PTPRT: variants seen among roughly 807,000 people sequenced by gnomAD.
PTPRT encodes protein tyrosine phosphatase receptor type T.
In PTPRT, 56 loss-of-function variants were observed where a neutral mutation model predicts 176.8. The ratio of observed to expected loss-of-function variants is 0.32; its 90% CI spans 0.26 to 0.40. The LOEUF (loss-of-function observed/expected upper bound fraction) is 0.40, where lower values mean the gene tolerates loss of function less well. Ranked by LOEUF, PTPRT falls within the 10% of genes least tolerant of loss-of-function variation. The probability of loss-of-function intolerance (pLI) is 1.00; values close to 1 mark genes in which losing one functional copy is unlikely to be tolerated. For missense variants in PTPRT, 1,540 were observed against 1,908.2 expected, an observed-to-expected ratio of 0.81 and a Z score of 3.60; for synonymous variants, 783 against 739.0, an observed-to-expected ratio of 1.06 and a Z score of -0.96.
At chr20:42,348,062 T>C (rs1568797056) in intron 11 of PTPRT, among the ~76,000 whole-genome samples, 1 of 152,220 alleles carries the variant, frequency 6.6e-6, no homozygotes, top group South Asian at 2.1e-4. Flanking sequence ...AATAAATATT[T>C]GTTGCATGAC....
chr20:42,364,238 A>G (rs1187931186), intron 9 of PTPRT, among the ~76,000 whole-genome samples: 1 of 152,134 alleles, frequency 6.6e-6, no homozygotes, highest in Non-Finnish European at 1.5e-5. Flanking sequence ...GTAATCACAC[A>G]TTCTGGGCCA....
At chr20:42,516,327 C>G (rs941017886) in intron 7 of PTPRT, among the ~76,000 whole-genome samples, 1 of 151,988 alleles carries the variant, frequency 6.6e-6, no homozygotes, top group African/African-American at 2.4e-5. Flanking sequence ...CAGTGACTTC[C>G]CCTCATAAAG....
At chr20:42,713,066 GATA>G (rs1383088722) in intron 6 of PTPRT, among the ~76,000 whole-genome samples, 1 of 151,908 alleles carries the variant, frequency 6.6e-6, no homozygotes, top group African/African-American at 2.4e-5. Flanking sequence ...AGAAAAAGAA[GATA>G]ATATGATGGG....
At chr20:42,052,578 AAAG>A in the PTPRT span, among the ~76,000 whole-genome samples, 1 of 152,142 alleles carries the variant, frequency 6.6e-6, no homozygotes, top group Non-Finnish European at 1.5e-5. Flanking sequence ...AACATTTGAA[AAAG>A]AAGGAGCAGA....
intron 13 of PTPRT, among the ~76,000 whole-genome samples, chr20:42,281,026 A>T (rs1394917626): frequency 6.6e-6 from 1 of 152,080 alleles, no homozygotes; most frequent in Non-Finnish European, 1.5e-5. Flanking sequence ...CATAGAGCAT[A>T]CCATAGTGAA....
chr20:42,595,683 C>T (rs1233615848), intron 7 of PTPRT, among the ~76,000 whole-genome samples: 1 of 152,164 alleles, frequency 6.6e-6, no homozygotes, highest in Non-Finnish European at 1.5e-5. Context: ...AGGCTGTGGG[C>T]AGCATTTCTT....
intron 1 of PTPRT, among the ~76,000 whole-genome samples, chr20:43,161,772 C>A (rs2014707483): frequency 6.6e-6 from 1 of 151,648 alleles, no homozygotes; most frequent in Non-Finnish European, 1.5e-5. Context: ...GGCAAAAAAA[C>A]CCTCAGGAGC....
At chr20:42,949,598 C>A (rs753216799) in intron 1 of PTPRT, among the ~76,000 whole-genome samples, 1 of 152,158 alleles carries the variant, frequency 6.6e-6, no homozygotes, top group South Asian at 2.1e-4. Context: ...TCCACCCCAG[C>A]GGGAGCATCA....
rs750467022 is a variant in PTPRT, at chr20:42,885,818, G to T, written c.203C>A (p.Ala68Glu). 1.0e-5 allele frequency: 16 copies of T among 1,606,548 alleles called. No individual in the cohort carries two copies. In the South Asian group the frequency reaches 1.4e-4, roughly 14 times the overall value. ...GATGGATCACATACCTGTGGGCACT[G>T]CCTGGTCCAGCATTGGTTTCTCCCA... Reference protein sequence around the residue: ...NTWEKPMLDQAVPTGSFMMVN... With the variant: ...NTWEKPMLDQEVPTGSFMMVN... The change falls in exon 2 of 31, where the codon GCA becomes GAA. Residue 68 changes from alanine (A) to glutamate (E), a missense_variant. Physicochemically the swap from Ala to Glu is moderately radical, Grantham distance 107 (BLOSUM62 -1). Transcript: ENST00000373187.
chr20:42,625,865 T>C (rs1458388395), intron 7 of PTPRT, among the ~76,000 whole-genome samples: 1 of 151,884 alleles, frequency 6.6e-6, no homozygotes, highest in Non-Finnish European at 1.5e-5. Context: ...TGAGTGCTTG[T>C]TCACAAATAT....
chr20:42,733,307 C>T (rs1012140423), intron 6 of PTPRT, among the ~76,000 whole-genome samples: 1 of 152,220 alleles, frequency 6.6e-6, no homozygotes, highest in African/African-American at 2.4e-5. Flanking sequence ...GGGGTTCACT[C>T]TCTTCTGAAA....
rs8119920 is a variant in PTPRT at position 42,331,781 on chromosome 20, G to A, written c.1866-15785C>T. Reference sequence around the variant, plus strand: ...GGCTTGGGAATGCAAATTTTGAACAGGTTCACCGTGATATTCTTATATATA... The same window carrying A: ...GGCTTGGGAATGCAAATTTTGAACAAGTTCACCGTGATATTCTTATATATA... On this transcript the variant is annotated intron_variant, in intron 11 of 30. Coordinates refer to ENST00000373187, the MANE Select transcript of PTPRT (RefSeq NM_007050.6). 3.6e-3 allele frequency among the ~76,000 whole-genome samples: 555 copies of A among 152,202 alleles called. 5 individuals are homozygous for A. Among genetic ancestry groups the A allele is most frequent in the African/African-American group, 0.013 (536 of 41,514 alleles).
chr20:42,728,242 G>A (rs2076408991), intron 6 of PTPRT, among the ~76,000 whole-genome samples: 1 of 152,132 alleles, frequency 6.6e-6, no homozygotes, highest in African/African-American at 2.4e-5. Context: ...TGCCCCGAAG[G>A]ACTTTAAAGA....
At chr20:42,057,088 G>T in the PTPRT span, among the ~76,000 whole-genome samples, 1 of 152,212 alleles carries the variant, frequency 6.6e-6, no homozygotes, top group South Asian at 2.1e-4. Context: ...TGCAGTCATT[G>T]TATTGTATAT....
chr20:42,814,952 C>T (rs1569171561), intron 2 of PTPRT, among the ~76,000 whole-genome samples: 1 of 151,960 alleles, frequency 6.6e-6, no homozygotes, highest in Non-Finnish European at 1.5e-5. Context: ...ATAGAACAAG[C>T]TAGACCAAAT....
rs111792993 is a variant in PTPRT at position 42,110,428 on chromosome 20, G to C, written c.3159C>G (p.His1053Gln). The change falls in exon 23 of 31, where the codon CAC (histidine) becomes CAG (glutamine). Residue 1053 changes from histidine to glutamine, a missense_variant. By Grantham distance (24) the His-to-Gln change is conservative (BLOSUM62 0). Transcript: ENST00000373187. ...RLFHFTSWPD[H>Q]GVPCYATGLL... ...GGCCAGTGGCATAGCAGGGAACGCC[G>C]TGGTCAGGCCAGCTGGTGAAGTGGA... 1 of 1,613,022 alleles carries C rather than the reference G, an allele frequency of 6.2e-7. No individual in the cohort carries two copies. Among genetic ancestry groups the C allele is most frequent in the East Asian group, 2.2e-5 (1 of 44,858 alleles).
chr20:42,446,608 G>C (rs952253956), intron 9 of PTPRT, among the ~76,000 whole-genome samples: 7 of 149,754 alleles, frequency 4.7e-5, no homozygotes, highest in Admixed American at 4.6e-4. Context: ...GTGTGTGTGT[G>C]TGTGTGTGTG....
chr20:42,322,138 T>A (rs976070691), intron 11 of PTPRT, among the ~76,000 whole-genome samples: 3 of 152,106 alleles, frequency 2.0e-5, no homozygotes, highest in Non-Finnish European at 2.9e-5. Context: ...GAACATTCCA[T>A]GCTCATGGGT....
At chr20:42,865,949 TGC>T (rs2078739192) in intron 2 of PTPRT, among the ~76,000 whole-genome samples, 1 of 152,154 alleles carries the variant, frequency 6.6e-6, no homozygotes, top group African/African-American at 2.4e-5. Context: ...CTCTCCCCTC[TGC>T]TCTTCCCTTT....
Sources: allele counts gnomAD v4.1 joint callset (sites outside exome capture counted in the v4.1 genomes callset), GRCh38; gene constraint gnomAD v4.1.1; transcripts MANE v1.5; gene names NCBI Gene and HGNC (gene_info 2026-07-23, HGNC 2026-07-21).